The following LRRIQ1 variants were observed in gnomAD, a reference collection of about 807,000 sequenced individuals.
The protein encoded by LRRIQ1 is leucine-rich repeat- and IQ domain-containing protein 1.
Under a neutral mutation model 211.9 loss-of-function variants are expected in LRRIQ1, and 210 were observed. That is an observed-to-expected ratio of 0.99 (90% CI 0.89 to 1.11). The LOEUF (loss-of-function observed/expected upper bound fraction) is 1.11, where lower values mean the gene tolerates loss of function less well. Ranked by LOEUF, LRRIQ1 falls within the 50% of genes most tolerant of loss-of-function variation. The pLI, the probability that LRRIQ1 is intolerant of heterozygous loss-of-function variation, is 0.00. For missense variants in LRRIQ1, 2,136 were observed against 1,939.5 expected (o/e 1.10, Z -1.90); for synonymous variants, 699 against 650.1 (o/e 1.08, Z -1.14).
rs1294398356 is a variant in LRRIQ1, at chr12:85,158,900, CA to C, written c.4721-1712del. On this transcript the variant is annotated intron_variant, in intron 23 of 26. Coordinates refer to ENST00000393217, the MANE Select transcript of LRRIQ1 (RefSeq NM_001079910.2). ...TGGGTTGTGTTTTTATTTATTTATT[CA>C]TTTTTTTATTGAGGTAAGAATACTG... 9.6e-3 allele frequency among the ~76,000 whole-genome samples: 1,415 copies of C among 147,384 alleles called. 23 individuals are homozygous for C. The highest frequency in any genetic ancestry group is 0.031 in the African/African-American group (1,253 of 40,656).
chr12:85,050,541 A>C (rs1377884496), intron 6 of LRRIQ1, among the ~76,000 whole-genome samples: 1 of 152,202 alleles, frequency 6.6e-6, no homozygotes, highest in African/African-American at 2.4e-5. Flanking sequence ...CAAGATAGAA[A>C]AATGAAGGTA....
At chr12:85,183,884 T>A (rs1448628483) in intron 24 of LRRIQ1, among the ~76,000 whole-genome samples, 1 of 152,098 alleles carries the variant, frequency 6.6e-6, no homozygotes, top group Non-Finnish European at 1.5e-5. Flanking sequence ...AATCTGTTTA[T>A]GTTCTATGTA....
intron 24 of LRRIQ1, among the ~76,000 whole-genome samples, chr12:85,199,827 A>G (rs1343057797): frequency 6.6e-6 from 1 of 152,124 alleles, no homozygotes; most frequent in Admixed American, 6.6e-5. Context: ...CCCTTGAAAC[A>G]TGGGAATTAT....
In LRRIQ1 at chr12:85,244,853, T is replaced by G. The variant is rs1489651734; in HGVS notation, c.5081T>G (p.Leu1694Trp). 2 of 1,606,538 alleles carry G rather than the reference T, an allele frequency of 1.2e-6. No individual in the cohort carries two copies. Among genetic ancestry groups the G allele is most frequent in the Non-Finnish European group, 1.7e-6 (2 of 1,175,708 alleles). ...DLFSMTNGSA[L>W]SVNREKKNQA... ...TTTTCCATGACCAATGGAAGTGCTTTGTCTGTGAACAGAGAAAAAAAAAAT... is the reference window on the plus strand; with the variant it reads ...TTTTCCATGACCAATGGAAGTGCTTGGTCTGTGAACAGAGAAAAAAAAAAT... The change falls in exon 27 of 27, where the codon TTG becomes TGG. Residue 1694 changes from leucine (L) to tryptophan (W), a missense_variant. By Grantham distance (61) the Leu-to-Trp change is moderately conservative. Coordinates refer to ENST00000393217, the MANE Select transcript of LRRIQ1 (RefSeq NM_001079910.2).
At chr12:85,248,186 CTTTA>C (rs1175279879), downstream of LRRIQ1, among the ~76,000 whole-genome samples, 9 of 151,456 alleles carry the variant, frequency 5.9e-5, no homozygotes, top group South Asian at 2.1e-4. Flanking sequence ...TATACATTAT[CTTTA>C]TTTATCTTTT....
intron 24 of LRRIQ1, among the ~76,000 whole-genome samples, chr12:85,163,273 A>G (rs933039421): frequency 9.8e-5 from 15 of 152,332 alleles, no homozygotes; most frequent in African/African-American, 3.4e-4. Context: ...CACCAAATCT[A>G]GTTTTAGAAC....
chr12:85,199,402 G>A (rs1489444531), intron 24 of LRRIQ1, among the ~76,000 whole-genome samples: 1 of 151,726 alleles, frequency 6.6e-6, no homozygotes, highest in Non-Finnish European at 1.5e-5. Context: ...TGACTTTGTA[G>A]AGGTCAGATG....
At chr12:85,229,727 A>G (rs754805298) in intron 25 of LRRIQ1, 78 bp downstream of exon 25, 64 of 1,448,464 alleles carry the variant, frequency 4.4e-5, no homozygotes, top group Non-Finnish European at 5.5e-5. Context: ...AATTGTGCTA[A>G]AACAAACATG....
chr12:85,154,149 T>G (rs1890410046), intron 23 of LRRIQ1, 55 bp downstream of exon 23: 1 of 907,416 alleles, frequency 1.1e-6, no homozygotes, highest in South Asian at 2.2e-5. Flanking sequence ...TGAAGATAAC[T>G]TCTTTAAAAT....
intron 25 of LRRIQ1, among the ~76,000 whole-genome samples, chr12:85,230,274 GT>G (rs1335576265): frequency 1.3e-5 from 2 of 152,198 alleles, no homozygotes; most frequent in African/African-American, 4.8e-5. Flanking sequence ...AGATTGGGTA[GT>G]TTAAACAAGG....
At chr12:85,161,884 C>T (rs1890900538) in intron 24 of LRRIQ1, among the ~76,000 whole-genome samples, 1 of 151,780 alleles carries the variant, frequency 6.6e-6, no homozygotes. Flanking sequence ...ACTAAAAATA[C>T]AAAAAATTAG....
In LRRIQ1 at chr12:85,073,031, G is replaced by A. The variant is rs756156616; in HGVS notation, c.2820G>A (p.Trp940Ter). Residue 940 changes from tryptophan to a stop codon, truncating the protein, a stop_gained, in exon 11 of 27, where the codon TGG becomes TGA. Transcript: ENST00000393217. LOFTEE classifies it high-confidence loss of function. The stretch of plus-strand genomic sequence containing the variant: ...TTCCAACTGGATTATGTTGGTCCTG[G>A]ATACCTATTACCTCACTTACAAAAA... ...VWIPTGLCWSWIPITSLTKNS... is the reference protein window; with the variant it reads ...VWIPTGLCWS The A allele has an allele frequency of 1.9e-6, 3 of 1,612,240 alleles. No homozygotes were observed. Among genetic ancestry groups the A allele is most frequent in the Non-Finnish European group, 1.7e-6 (2 of 1,178,918 alleles).
intron 11 of LRRIQ1, among the ~76,000 whole-genome samples, chr12:85,094,469 G>T (rs975522115): frequency 2.6e-5 from 4 of 151,944 alleles, no homozygotes; most frequent in Admixed American, 2.6e-4. Flanking sequence ...CTGTCCCATT[G>T]GTCTATTTGT....
intron 1 of LRRIQ1, among the ~76,000 whole-genome samples, chr12:85,037,917 T>C (rs1878363845): frequency 1.3e-5 from 2 of 151,900 alleles, no homozygotes; most frequent in Non-Finnish European, 2.9e-5. Flanking sequence ...ATAGTAAAAT[T>C]ATATAAACAT....
At chr12:85,241,885 A>G (rs539182418) in intron 26 of LRRIQ1, among the ~76,000 whole-genome samples, 6 of 152,170 alleles carry the variant, frequency 3.9e-5, no homozygotes, top group East Asian at 3.9e-4. Flanking sequence ...TGTTTAATAT[A>G]TGAGAGAGAA....
downstream of LRRIQ1, among the ~76,000 whole-genome samples, chr12:85,247,422 C>A (rs1895760433): frequency 6.6e-6 from 1 of 151,526 alleles, no homozygotes; most frequent in East Asian, 1.9e-4. Context: ...AGCCTTTGAA[C>A]TTTTCTAGAT....
intron 19 of LRRIQ1, among the ~76,000 whole-genome samples, chr12:85,141,633 T>C (rs892531623): frequency 6.7e-6 from 1 of 150,090 alleles, no homozygotes; most frequent in Non-Finnish European, 1.5e-5. Flanking sequence ...CTAACCATTC[T>C]CATTCAACTT....
intron 19 of LRRIQ1, among the ~76,000 whole-genome samples, chr12:85,146,272 AC>A (rs1889888581): frequency 6.6e-6 from 1 of 151,692 alleles, no homozygotes; most frequent in African/African-American, 2.4e-5. Flanking sequence ...TGTTATGACC[AC>A]CACACCTTCT....
chr12:85,250,773 AAT>A (rs559309387), intron 1 of LRRIQ1, among the ~76,000 whole-genome samples: 3 of 121,310 alleles, frequency 2.5e-5, no homozygotes, highest in Admixed American at 1.0e-4. Flanking sequence ...GAATATGGAA[AAT>A]ATATATATAT....
Sources: allele counts gnomAD v4.1 joint callset (sites outside exome capture counted in the v4.1 genomes callset), GRCh38; gene constraint gnomAD v4.1.1; transcripts MANE v1.5; gene names NCBI Gene and HGNC (gene_info 2026-07-23, HGNC 2026-07-21).